COQ5: variants seen among roughly 807,000 people sequenced by gnomAD.
The protein encoded by COQ5 is 2-methoxy-6-polyprenyl-1,4-benzoquinol methylase, mitochondrial.
A neutral mutation model predicts 40.5 loss-of-function variants in COQ5; 27 were observed. The ratio of observed to expected loss-of-function variants is 0.67; its 90% CI spans 0.49 to 0.92. COQ5 has a LOEUF of 0.92. COQ5 is among the 40% of genes least tolerant of loss of function. The pLI is 0.00. For missense variants in COQ5, 409 were observed against 406.4 expected, an observed-to-expected ratio of 1.01 and a Z score of -0.06; for synonymous variants, 141 against 150.0, an observed-to-expected ratio of 0.94 and a Z score of 0.44.
chr12:120,525,432 C>A (rs1869891293), intron 1 of COQ5, among the ~76,000 whole-genome samples: 1 of 152,026 alleles, frequency 6.6e-6, no homozygotes, highest in African/African-American at 2.4e-5. Context: ...GTCTGGGGGA[C>A]ACTAAGGCTA....
At chr12:120,523,078 C>A in intron 1 of COQ5, 1 of 376,268 alleles carries the variant, frequency 2.7e-6, no homozygotes, top group Admixed American at 4.3e-5. Context: ...GTGGCTCATG[C>A]CTGTAATCCC....
chr12:120,519,480 A>C (rs187773622), intron 2 of COQ5, among the ~76,000 whole-genome samples: 11 of 152,292 alleles, frequency 7.2e-5, no homozygotes, highest in African/African-American at 2.6e-4. Context: ...GAATCACTTT[A>C]ACCCAGGAGG....
Position 120,518,290 on chromosome 12 carries a change from G to A in COQ5, c.353-1502C>T, listed in dbSNP as rs192056144. Among the ~76,000 whole-genome samples, 4 of 152,126 alleles carry A rather than the reference G, an allele frequency of 2.6e-5. No homozygotes were observed. In the East Asian group the frequency reaches 7.8e-4, roughly 30 times the overall value. ...AAAAAATTACAAAAATTAGCCAGGTGTGGGGCACATGCCTGTATTCCTAGC... is the reference window on the plus strand; with the variant it reads ...AAAAAATTACAAAAATTAGCCAGGTATGGGGCACATGCCTGTATTCCTAGC... On this transcript the variant is annotated intron_variant, in intron 2 of 6. Transcript: ENST00000288532.
Position 120,529,060 on chromosome 12 carries a change from C to T in COQ5, c.82G>A (p.Gly28Arg). 1 of 1,614,136 alleles carries T rather than the reference C, an allele frequency of 6.2e-7. No homozygotes were observed. Among genetic ancestry groups the T allele is most frequent in the Non-Finnish European group, 8.5e-7 (1 of 1,180,028 alleles). The change falls in exon 1 of 7, where the codon GGG (glycine) becomes AGG (arginine). Residue 28 changes from glycine to arginine, a missense_variant. Transcript: ENST00000288532. ...TCCCCGGGCCAAGAGCTACGAAGCC[C>T]GAGGAGCTGGCAGCCCCGCATCGCC... ...SRAMRGCQLLGLRSSWPGDLL... is the reference protein window; with the variant it reads ...SRAMRGCQLLRLRSSWPGDLL...
chr12:120,528,914 C>A (rs748297523), intron 1 of COQ5, 26 bp downstream of exon 1: 3 of 1,606,204 alleles, frequency 1.9e-6, no homozygotes, highest in African/African-American at 2.7e-5. Context: ...TCAGATCCCT[C>A]CCATCCGCCC....
Position 120,503,950 on chromosome 12 carries a change from AAGCTATAG to A in COQ5, c.882+12_882+19del. On this transcript the variant is annotated intron_variant, in intron 6 of 6. Coordinates refer to ENST00000288532, the MANE Select transcript of COQ5 (RefSeq NM_032314.4). ...GATATCACTGTAGGGCCTTTGTTTA[AAGCTATAG>A]AAGTTTCATACCTGAGACGGAAACC... The A allele has an allele frequency of 6.3e-7, 1 of 1,599,074 alleles. No individual in the cohort carries two copies. The highest frequency in any genetic ancestry group is 8.6e-7 in the Non-Finnish European group (1 of 1,166,236).
At chr12:120,522,530 A>G (rs1869717199) in intron 1 of COQ5, 167 bp from the exon 2 acceptor site, 1 of 678,670 alleles carries the variant, frequency 1.5e-6, no homozygotes, top group Non-Finnish European at 2.6e-6. Flanking sequence ...TTACCTCTTT[A>G]TTGATTTATT....
At chr12:120,522,389 A>C in intron 1 of COQ5, 26 bp from the exon 2 acceptor site, 3 of 1,610,042 alleles carry the variant, frequency 1.9e-6, no homozygotes, top group Non-Finnish European at 2.6e-6. Context: ...CACACACAAT[A>C]GTGCTATTAA....
intron 1 of COQ5, among the ~76,000 whole-genome samples, chr12:120,528,025 A>AAAAAAAAC: frequency 8.4e-6 from 1 of 119,338 alleles, no homozygotes; most frequent in Non-Finnish European, 1.8e-5. Flanking sequence ...AAAAAAAAGA[A>AAAAAAAAC]ACCCCGTCTC....
Position 120,516,650 on chromosome 12 carries a change from C to T in COQ5, c.491G>A (p.Gly164Glu), listed in dbSNP as rs1307616339. Residue 164 changes from glycine to glutamate, a missense_variant, in exon 3 of 7, where the codon GGG becomes GAG. Physicochemically the swap from Gly to Glu is moderately conservative, Grantham distance 98. Transcript: ENST00000288532. Reference sequence around the variant, plus strand: ...GATGTCACACACCACGACACGAGACCCGCCCAAGGAATCTTCTTCATTCTG... The same window carrying T: ...GATGTCACACACCACGACACGAGACTCGCCCAAGGAATCTTCTTCATTCTG... ...EYQNEEDSLG[G>E]SRVVVCDINK... 1 of 1,614,012 alleles carries T rather than the reference C, an allele frequency of 6.2e-7. No individual in the cohort carries two copies. Among genetic ancestry groups the T allele is most frequent in the Non-Finnish European group, 8.5e-7 (1 of 1,180,028 alleles).
Position 120,516,566 on chromosome 12 carries a change from C to G in COQ5, c.574+1G>C. 1 of 1,610,590 alleles carries G rather than the reference C, an allele frequency of 6.2e-7. No homozygotes were observed. The highest frequency in any genetic ancestry group is 1.1e-5 in the South Asian group (1 of 90,926). ...CTGTGTCTGCCTTCTGCAGGACTCA[C>G]CAGCTCTGTATCCTTGAGCCAAGGC... On this transcript the variant is annotated splice_donor_variant, in intron 3 of 6. Coordinates refer to ENST00000288532, the MANE Select transcript of COQ5 (RefSeq NM_032314.4). LOFTEE classifies it high-confidence loss of function.
At chr12:120,525,160 C>T (rs555502076) in intron 1 of COQ5, among the ~76,000 whole-genome samples, 55 of 152,146 alleles carry the variant, frequency 3.6e-4, no homozygotes, top group East Asian at 3.5e-3. Flanking sequence ...GGTACAGTGG[C>T]GCAATCTCGG....
chr12:120,506,132 G>C (rs1029189530), intron 4 of COQ5, among the ~76,000 whole-genome samples: 1 of 152,150 alleles, frequency 6.6e-6, no homozygotes, highest in Non-Finnish European at 1.5e-5. Context: ...TAGGATTACA[G>C]GTGTGAGCCA....
chr12:120,528,084 C>T (rs1002804482), intron 1 of COQ5, among the ~76,000 whole-genome samples: 10 of 148,274 alleles, frequency 6.7e-5, no homozygotes, highest in African/African-American at 2.5e-4. Flanking sequence ...TGCCTGTAAT[C>T]CCAGCTACTC....
rs766283268 is a variant in COQ5, at chr12:120,503,835, G to A, written c.933C>T (p.Tyr311=). ...IEDAGFHKVT[Y]ESLTSGIVAI... ...CCACAATGCCTGATGTTAGACTTTCGTAAGTCACCTTGTGAAAGCCTGCAT... is the reference window on the plus strand; with the variant it reads ...CCACAATGCCTGATGTTAGACTTTCATAAGTCACCTTGTGAAAGCCTGCAT... Residue 311 remains tyrosine (Y), a synonymous_variant, in exon 7 of 7, where the codon TAC becomes TAT. Coordinates refer to ENST00000288532, the MANE Select transcript of COQ5 (RefSeq NM_032314.4). The A allele has an allele frequency of 2.0e-5, 32 of 1,614,042 alleles. No homozygotes were observed. The highest frequency in any genetic ancestry group is 1.4e-4 in the South Asian group (13 of 91,084).
intron 3 of COQ5, 87 bp downstream of exon 3, chr12:120,516,478 AAG>A: frequency 8.6e-7 from 1 of 1,167,052 alleles, no homozygotes; most frequent in Non-Finnish European, 1.3e-6. Flanking sequence ...TGAAAGCCAA[AAG>A]ATAAAGCATT....
At chr12:120,521,934 T>C (rs545450044) in intron 2 of COQ5, among the ~76,000 whole-genome samples, 1 of 151,940 alleles carries the variant, frequency 6.6e-6, no homozygotes, top group Admixed American at 6.6e-5. Flanking sequence ...GAGGCAGAGG[T>C]TGCAATGAGC....
At chr12:120,518,756 G>T (rs1869508240) in intron 2 of COQ5, among the ~76,000 whole-genome samples, 1 of 151,944 alleles carries the variant, frequency 6.6e-6, no homozygotes, top group South Asian at 2.1e-4. Context: ...GTAGAGACAG[G>T]GTTTCACCAC....
intron 4 of COQ5, among the ~76,000 whole-genome samples, chr12:120,509,026 A>G (rs1869012666): frequency 6.8e-6 from 1 of 146,882 alleles, no homozygotes; most frequent in Non-Finnish European, 1.5e-5. Flanking sequence ...TCTGTCTCAA[A>G]AAAAAAAAAA....
Sources: allele counts gnomAD v4.1 joint callset (sites outside exome capture counted in the v4.1 genomes callset), GRCh38; gene constraint gnomAD v4.1.1; transcripts MANE v1.5; gene names NCBI Gene and HGNC (gene_info 2026-07-23, HGNC 2026-07-21).